ZNF395: variants seen among roughly 807,000 people sequenced by gnomAD.
The protein encoded by ZNF395 is zinc finger protein 395.
A neutral mutation model predicts 57.7 loss-of-function variants in ZNF395; 20 were observed. The ratio of observed to expected loss-of-function variants is 0.35; its 90% CI spans 0.24 to 0.50. The LOEUF is 0.50. Ranked by LOEUF, ZNF395 falls within the 20% of genes least tolerant of loss-of-function variation. The pLI is 0.97. For synonymous variants in ZNF395, 295 were observed against 275.9 expected, an observed-to-expected ratio of 1.07 and a Z score of -0.69; for missense variants, 606 against 671.2, an observed-to-expected ratio of 0.90 and a Z score of 1.07.
chr8:28,367,543 C>T (rs1585859723), intron 1 of ZNF395, among the ~76,000 whole-genome samples: 1 of 152,180 alleles, frequency 6.6e-6, no homozygotes, highest in Non-Finnish European at 1.5e-5. Flanking sequence ...TTTCTGTTTG[C>T]GCTGCTGGCA....
intron 1 of ZNF395, among the ~76,000 whole-genome samples, chr8:28,370,768 G>A (rs144370298): frequency 3.1e-4 from 47 of 152,268 alleles, no homozygotes; most frequent in African/African-American, 6.3e-4. Flanking sequence ...ACACACCCCC[G>A]CCACCTCAGG....
intron 1 of ZNF395, among the ~76,000 whole-genome samples, chr8:28,378,740 T>C (rs1802075622): frequency 6.6e-6 from 1 of 152,174 alleles, no homozygotes; most frequent in African/African-American, 2.4e-5. Flanking sequence ...ACCCTCTAAA[T>C]TGGAAGAGAC....
Position 28,353,105 on chromosome 8 carries a change from G to A in ZNF395, c.819+68C>T, listed in dbSNP as rs1396283788. ...GCCTGCAGGGTCCCCTGCTCTCCAC[G>A]GCTGGCTGTCCCCACACAGACATCA... On this transcript the variant is annotated intron_variant, in intron 5 of 9. Transcript: ENST00000344423. 2.8e-5 allele frequency: 43 copies of A among 1,518,262 alleles called. No individual in the cohort carries two copies. The South Asian group carries it at 4.1e-4, about 15-fold the overall frequency. 94.0% of individuals were successfully genotyped at this position (1,518,262 alleles called of 1,614,324 possible).
intron 1 of ZNF395, among the ~76,000 whole-genome samples, chr8:28,364,346 C>T (rs1037442164): frequency 6.6e-6 from 1 of 152,038 alleles, no homozygotes; most frequent in Non-Finnish European, 1.5e-5. Context: ...TGTTAGTGAA[C>T]CTTGATGGGA....
In ZNF395 at chr8:28,359,938, T is replaced by C; in HGVS notation, c.241-114A>G. Reference sequence around the variant, plus strand: ...TCTGCCTGCCACAAACCATGTTCTCTGCCTCACTCATCTTTTATTCAAGCA... The same window carrying C: ...TCTGCCTGCCACAAACCATGTTCTCCGCCTCACTCATCTTTTATTCAAGCA... On this transcript the variant is annotated intron_variant, in intron 2 of 9. Transcript: ENST00000344423. The surrounding 1 kb of genome is among the most constrained non-coding windows in gnomAD (Gnocchi z 4.7). 2.8e-6 allele frequency: 4 copies of C among 1,449,936 alleles called. No homozygotes were observed. The highest frequency in any genetic ancestry group is 3.7e-6 in the Non-Finnish European group (4 of 1,091,364). 89.8% of individuals were successfully genotyped at this position (1,449,936 alleles called of 1,614,324 possible). A position where few individuals can be genotyped will look rare whatever the true frequency, so the allele number is the denominator to read the frequency against.
At position 28,347,806 on chromosome 8, in the gene ZNF395, G is replaced by A. The variant is rs770654402; in HGVS notation, c.*913C>T. On this transcript the variant is annotated 3_prime_UTR_variant, in exon 10 of 10. Coordinates refer to ENST00000344423, the MANE Select transcript of ZNF395 (RefSeq NM_018660.3). Reference sequence around the variant, plus strand: ...ATCAGTAAAGGCTTCTGAATACATCGTAAAAGAAAACAAAGCATTTCTGAG... The same window carrying A: ...ATCAGTAAAGGCTTCTGAATACATCATAAAAGAAAACAAAGCATTTCTGAG... 1 of 152,170 alleles carries A rather than the reference G, an allele frequency of 6.6e-6. No homozygotes were observed. Among genetic ancestry groups the A allele is most frequent in the Non-Finnish European group, 1.5e-5 (1 of 68,038 alleles). 9.4% of individuals were successfully genotyped at this position (152,170 alleles called of 1,614,324 possible).
intron 1 of ZNF395, among the ~76,000 whole-genome samples, chr8:28,375,729 G>A (rs2129988285): frequency 6.6e-6 from 1 of 152,306 alleles, no homozygotes; most frequent in Admixed American, 6.5e-5. Flanking sequence ...CAAGGAGCAT[G>A]AGTACCATGG....
At chr8:28,353,124 G>A (rs1801737908) in intron 5 of ZNF395, 49 bp downstream of exon 5, 1 of 1,581,752 alleles carries the variant, frequency 6.3e-7, no homozygotes, top group Admixed American at 1.7e-5. Flanking sequence ...TCCCCACACA[G>A]ACATCATCCG....
At position 28,373,900 on chromosome 8, in the gene ZNF395, G is replaced by T. The variant is rs370960017; in HGVS notation, c.-59+12493C>A. On this transcript the variant is annotated intron_variant, in intron 1 of 9. Coordinates refer to ENST00000344423, the MANE Select transcript of ZNF395 (RefSeq NM_018660.3). ...CCGTCCCACAGTAACTCTAAGTGAG[G>T]AACTGACCCCATAATGCATCTTTGT... 1.7e-4 allele frequency among the ~76,000 whole-genome samples: 26 copies of T among 152,236 alleles called. No individual in the cohort carries two copies. The South Asian group carries it at 4.2e-3, about 24-fold the overall frequency.
intron 3 of ZNF395, among the ~76,000 whole-genome samples, chr8:28,357,967 T>A (rs1352773579): frequency 2.0e-5 from 3 of 152,126 alleles, no homozygotes; most frequent in Non-Finnish European, 4.4e-5. Context: ...AAAAGTTGTA[T>A]CACAAAATTC....
rs370626553 is a variant in ZNF395 at position 28,352,662 on chromosome 8, C to T, written c.831G>A (p.Lys277=). 8.1e-6 allele frequency: 13 copies of T among 1,614,050 alleles called. No individual in the cohort carries two copies. The African/African-American group carries it at 1.6e-4, about 20-fold the overall frequency. Residue 277 remains lysine (K), a synonymous_variant, in exon 6 of 10, where the codon AAG becomes AAA. Coordinates refer to ENST00000344423, the MANE Select transcript of ZNF395 (RefSeq NM_018660.3). This position sits in a 1 kb window ranked among gnomAD's most constrained non-coding sequence, Gnocchi z 4.0. The part of the protein sequence containing the change: ...PAPRKRKNSV[K]VMYKCLWPNC... ...TTGGCCACAGGCACTTGTACATCAC[C>T]TTCACAGAGTTCTACAGGAAAGGAA...
At chr8:28,350,286 G>A (rs1342809022) in intron 7 of ZNF395, 130 bp from the exon 8 acceptor site, 5 of 755,428 alleles carry the variant, frequency 6.6e-6, no homozygotes, top group Non-Finnish European at 1.1e-5. Flanking sequence ...AGAAAGAGCT[G>A]GGACACACTC....
intron 1 of ZNF395, chr8:28,368,637 CT>C (rs1801939999): frequency 6.7e-6 from 1 of 149,276 alleles, no homozygotes; most frequent in East Asian, 2.0e-4. Context: ...ACTGGAAGCA[CT>C]TGCAGTAACA....
At chr8:28,381,164 C>G (rs1374234286) in intron 1 of ZNF395, among the ~76,000 whole-genome samples, 1 of 152,138 alleles carries the variant, frequency 6.6e-6, no homozygotes, top group Admixed American at 6.5e-5. Flanking sequence ...GCCTCAGCCT[C>G]CCGAGCAGCT....
At position 28,348,653 on chromosome 8, in the gene ZNF395, G is replaced by T; in HGVS notation, c.*66C>A. 2 of 1,419,166 alleles carry T rather than the reference G, an allele frequency of 1.4e-6. No homozygotes were observed. The highest frequency in any genetic ancestry group is 1.2e-5 in the South Asian group (1 of 86,924). 87.9% of individuals were successfully genotyped at this position (1,419,166 alleles called of 1,614,324 possible). ...CTTTCGGTTTCTGCTGAGGGCTGGT[G>T]ACACACTGGCCTCTTGTCAGTGGCT... On this transcript the variant is annotated 3_prime_UTR_variant, in exon 10 of 10. Coordinates refer to ENST00000344423, the MANE Select transcript of ZNF395 (RefSeq NM_018660.3).
At chr8:28,382,385 A>G (rs1015188503) in intron 1 of ZNF395, among the ~76,000 whole-genome samples, 3 of 152,150 alleles carry the variant, frequency 2.0e-5, no homozygotes, top group African/African-American at 7.2e-5. Context: ...AGCCCACTTT[A>G]ACAACTTGAT....
intron 1 of ZNF395, among the ~76,000 whole-genome samples, chr8:28,364,141 T>G (rs974794954): frequency 4.6e-5 from 7 of 152,224 alleles, no homozygotes; most frequent in Admixed American, 2.6e-4. Context: ...TGGTCTTCTA[T>G]TTCTGATGAG....
chr8:28,350,030 T>C (rs2129937149), intron 8 of ZNF395, 34 bp downstream of exon 8: 1 of 1,542,712 alleles, frequency 6.5e-7, no homozygotes, highest in East Asian at 2.4e-5. Context: ...CCCTCGGCCA[T>C]ACGAGGCCCC....
chr8:28,381,950 A>C (rs1378770804), intron 1 of ZNF395, among the ~76,000 whole-genome samples: 1 of 152,148 alleles, frequency 6.6e-6, no homozygotes, highest in Non-Finnish European at 1.5e-5. Context: ...GACTTGCCTA[A>C]AACAAATCCG....
Sources: gnomAD v4.1 joint callset for allele counts (sites outside exome capture counted in the v4.1 genomes callset) on GRCh38, gnomAD v4.1.1 for gene constraint, Gnocchi (gnomAD v3.1) non-coding constraint, MANE v1.5 for transcripts, NCBI Gene and HGNC (gene_info 2026-07-23, HGNC 2026-07-21) for gene names.